The following AMY2B variants were observed in gnomAD, a reference collection of about 807,000 sequenced individuals.
AMY2B encodes amylase alpha 2B, also known as alpha-amylase 2B.
Under a neutral mutation model 59.3 loss-of-function variants are expected in AMY2B, and 63 were observed. The ratio of observed to expected loss-of-function variants is 1.06; its 90% CI spans 0.87 to 1.31. AMY2B has a LOEUF of 1.31. AMY2B is among the 50% of genes most tolerant of loss of function. The pLI is 0.00. For synonymous variants in AMY2B, 180 were observed against 198.1 expected, an observed-to-expected ratio of 0.91 and a Z score of 0.77; for missense variants, 635 against 626.7, an observed-to-expected ratio of 1.01 and a Z score of -0.14.
chr1:103,566,108 GT>G (rs1261829025), intron 2 of AMY2B, among the ~76,000 whole-genome samples: 1 of 151,954 alleles, frequency 6.6e-6, no homozygotes, highest in African/African-American at 2.4e-5. Context: ...TCTTCTACAT[GT>G]TTTTCTTACT....
Position 103,577,735 on chromosome 1 carries a change from C to G in AMY2B, c.1236C>G (p.Phe412Leu). Reference sequence around the variant, plus strand: ...GTGTTTTTAGGAACATGGTTAATTTCCGCAATGTAGTGGATGGCCAGCCTT... The same window carrying G: ...GTGTTTTTAGGAACATGGTTAATTTGCGCAATGTAGTGGATGGCCAGCCTT... ...RWRQIRNMVNFRNVVDGQPFT... is the reference protein window; with the variant it reads ...RWRQIRNMVNLRNVVDGQPFT... The change falls in exon 9 of 10, where the codon TTC becomes TTG. Residue 412 changes from phenylalanine (F) to leucine (L), a missense_variant. Coordinates refer to ENST00000684275, the MANE Select transcript of AMY2B (RefSeq NM_001387437.1). The G allele has an allele frequency of 6.2e-7, 1 of 1,611,226 alleles. No individual in the cohort carries two copies. The highest frequency in any genetic ancestry group is 8.5e-7 in the Non-Finnish European group (1 of 1,179,782).
intron 2 of AMY2B, chr1:103,565,597 AG>A (rs1651883561): frequency 6.6e-6 from 1 of 152,206 alleles, no homozygotes; most frequent in South Asian, 2.1e-4. Flanking sequence ...CATCCCAGGT[AG>A]GCTCACAACA....
chr1:103,570,037 G>A, upstream of AMY2B: 1 of 434,206 alleles, frequency 2.3e-6, no homozygotes, highest in East Asian at 5.6e-5. Context: ...CACCCACATG[G>A]TGCCCATCTA....
upstream of AMY2B, among the ~76,000 whole-genome samples, chr1:103,567,659 A>G (rs1174600710): frequency 6.6e-6 from 1 of 152,168 alleles, no homozygotes; most frequent in Non-Finnish European, 1.5e-5. Context: ...TCTTCCCAGA[A>G]GCAGGGTGAT....
At chr1:103,571,366 TA>T, upstream of AMY2B, 1 of 1,105,150 alleles carries the variant, frequency 9.0e-7, no homozygotes, top group Non-Finnish European at 1.3e-6. Flanking sequence ...TATGGAAAAA[TA>T]AAAGTGCTGC....
At chr1:103,571,313 A>G (rs1473184430), upstream of AMY2B, 7 of 860,258 alleles carry the variant, frequency 8.1e-6, no homozygotes, top group Admixed American at 1.1e-4. Context: ...TTGGTTTTCT[A>G]CTGTTACGTG....
Position 103,573,954 on chromosome 1 carries a change from T to G in AMY2B, c.744+16T>G. 2 of 1,613,654 alleles carry G rather than the reference T, an allele frequency of 1.2e-6. No individual in the cohort carries two copies. Among genetic ancestry groups the G allele is most frequent in the Non-Finnish European group, 1.7e-6 (2 of 1,179,692 alleles). On this transcript the variant is annotated intron_variant, in intron 4 of 9. Coordinates refer to ENST00000684275, the MANE Select transcript of AMY2B (RefSeq NM_001387437.1). ...TTACCAGGAGGTACATCAATACATA[T>G]ATGCATATAAAATATCATCTTATTC... is the stretch of plus-strand genomic sequence containing the variant.
At chr1:103,570,407 C>T (rs779471108), upstream of AMY2B, 13 of 869,868 alleles carry the variant, frequency 1.5e-5, no homozygotes, top group East Asian at 3.3e-5. Flanking sequence ...TGAAGTGTGA[C>T]GTGGACATCC....
upstream of AMY2B, among the ~76,000 whole-genome samples, chr1:103,566,671 A>C (rs1038720559): frequency 2.0e-5 from 3 of 152,196 alleles, no homozygotes; most frequent in Non-Finnish European, 4.4e-5. Flanking sequence ...ACATTAGTGT[A>C]GTACAGAGAA....
rs757065720 is a variant in AMY2B at position 103,575,296 on chromosome 1, C to G, written c.952C>G (p.Arg318Gly). 3 of 1,613,458 alleles carry G rather than the reference C, an allele frequency of 1.9e-6. No individual in the cohort carries two copies. The highest frequency in any genetic ancestry group is 2.5e-6 in the Non-Finnish European group (3 of 1,179,690). The part of the protein sequence containing the change: ...LVFVDNHDNQ[R>G]GHGAGGASIL... ...CTTTGTGGATAACCATGACAATCAA[C>G]GAGGACATGGGGCTGGAGGAGCCTC... Residue 318 changes from arginine to glycine, a missense_variant, in exon 6 of 10, where the codon CGA (arginine) becomes GGA (glycine). Transcript: ENST00000684275.
At chr1:103,577,063 C>T (rs1230081042) in intron 7 of AMY2B, among the ~76,000 whole-genome samples, 4 of 152,224 alleles carry the variant, frequency 2.6e-5, no homozygotes, top group Non-Finnish European at 4.4e-5. Context: ...AGCAAGACCT[C>T]GTCTTTACTG....
chr1:103,567,401 A>G (rs1260542612), upstream of AMY2B, among the ~76,000 whole-genome samples: 1 of 152,178 alleles, frequency 6.6e-6, no homozygotes, highest in East Asian at 1.9e-4. Context: ...CTCTCCTGAT[A>G]CCCTTCGTCA....
chr1:103,570,667 G>T, upstream of AMY2B: 2 of 583,028 alleles, frequency 3.4e-6, no homozygotes, highest in South Asian at 2.8e-5. Flanking sequence ...CACCGCAAAT[G>T]CTTCTAAATG....
chr1:103,560,126 G>C (rs1361153633), intron 1 of AMY2B, among the ~76,000 whole-genome samples: 1 of 151,922 alleles, frequency 6.6e-6, no homozygotes, highest in Non-Finnish European at 1.5e-5. Context: ...TGTGTTCTCC[G>C]TATGTGCATT....
At chr1:103,566,245 C>T (rs543556885) in intron 2 of AMY2B, among the ~76,000 whole-genome samples, 4 of 152,288 alleles carry the variant, frequency 2.6e-5, no homozygotes, top group African/African-American at 2.4e-5. Flanking sequence ...AGCACTTAAT[C>T]GTAACCCTCT....
upstream of AMY2B, chr1:103,570,776 T>G (rs1305079391): frequency 8.3e-6 from 4 of 480,094 alleles, no homozygotes; most frequent in East Asian, 2.6e-4. Context: ...CTCACCAAAC[T>G]GGAATAAGCC....
Position 103,573,946 on chromosome 1 carries a change from A to G in AMY2B, c.744+8A>G. On this transcript the variant is annotated splice_region_variant and intron_variant, in intron 4 of 9. Coordinates refer to ENST00000684275, the MANE Select transcript of AMY2B (RefSeq NM_001387437.1). ...CCTTTCATTTACCAGGAGGTACATC[A>G]ATACATATATGCATATAAAATATCA... 1.2e-6 allele frequency: 2 copies of G among 1,613,740 alleles called. No homozygotes were observed. The highest frequency in any genetic ancestry group is 1.7e-6 in the Non-Finnish European group (2 of 1,179,704).
upstream of AMY2B, chr1:103,570,246 C>T (rs569377298): frequency 1.3e-3 from 688 of 534,676 alleles, 13 homozygotes; most frequent in South Asian, 0.01. Flanking sequence ...CTGCCACATC[C>T]TCCTCCTCCC....
intron 1 of AMY2B, among the ~76,000 whole-genome samples, chr1:103,558,595 A>T (rs762317538): frequency 6.6e-6 from 1 of 152,090 alleles, no homozygotes; most frequent in South Asian, 2.1e-4. Flanking sequence ...TTTGTAAACA[A>T]CAACAACAAA....
Sources: gnomAD v4.1 joint callset for allele counts (sites outside exome capture counted in the v4.1 genomes callset) on GRCh38, gnomAD v4.1.1 for gene constraint, MANE v1.5 for transcripts, NCBI Gene and HGNC (gene_info 2026-07-23, HGNC 2026-07-21) for gene names.